Variants in CDHR1 observed in about 807,000 individuals in gnomAD.
The protein encoded by CDHR1 is cadherin related family member 1, also known as cadherin-related family member 1.
CDHR1 carries 61 observed loss-of-function variants against 72.1 expected under a neutral mutation model. That is an observed-to-expected ratio of 0.85 (90% CI 0.69 to 1.05). CDHR1 has a LOEUF of 1.05. Among genes scored for constraint, CDHR1 ranks in the 50% least tolerant of loss-of-function variants. The probability of loss-of-function intolerance (pLI) is 0.00; values close to 1 mark genes in which losing one functional copy is unlikely to be tolerated. For synonymous variants in CDHR1, 470 were observed against 448.1 expected, an observed-to-expected ratio of 1.05 and a Z score of -0.62; for missense variants, 1,186 against 1,115.7, an observed-to-expected ratio of 1.06 and a Z score of -0.90.
Position 84,204,656 on chromosome 10 carries a change from G to A in CDHR1, c.862+51G>A, listed in dbSNP as rs779501094. ...GCAGCTTTGACTCTCTAGGTGACCA[G>A]AGCAAGGTTCCTCAACCTCTCTAGA... is the stretch of plus-strand genomic sequence containing the variant. On this transcript the variant is annotated intron_variant, in intron 9 of 16. Coordinates refer to ENST00000623527, the MANE Select transcript of CDHR1 (RefSeq NM_033100.4). 4 of 1,281,438 alleles carry A rather than the reference G, an allele frequency of 3.1e-6. No homozygotes were observed. In the East Asian group the frequency reaches 6.9e-5, roughly 22 times the overall value. 79.4% of individuals were successfully genotyped at this position (1,281,438 alleles called of 1,614,324 possible).
chr10:84,213,817 C>T (rs904417934), intron 16 of CDHR1, among the ~76,000 whole-genome samples: 2 of 152,194 alleles, frequency 1.3e-5, no homozygotes, highest in South Asian at 4.1e-4. Context: ...AGGTTGCTCG[C>T]ATTGCGTTCT....
At chr10:84,213,724 C>G (rs905513468) in intron 16 of CDHR1, among the ~76,000 whole-genome samples, 1 of 152,066 alleles carries the variant, frequency 6.6e-6, no homozygotes, top group Non-Finnish European at 1.5e-5. Flanking sequence ...ACCCCCTCCC[C>G]CACTTGCCAC....
At chr10:84,203,229 G>A (rs1195537827) in intron 8 of CDHR1, 106 bp downstream of exon 8, 37 of 1,468,634 alleles carry the variant, frequency 2.5e-5, no homozygotes, top group Non-Finnish European at 1.3e-5. Context: ...GGTCCCGGTT[G>A]CCCTCCTCAC....
At position 84,213,172 on chromosome 10, in the gene CDHR1, A is replaced by T. The variant is rs1478134367; in HGVS notation, c.1864A>T (p.Ile622Phe). 1 of 1,614,128 alleles carries T rather than the reference A, an allele frequency of 6.2e-7. No homozygotes were observed. Among genetic ancestry groups the T allele is most frequent in the Non-Finnish European group, 8.5e-7 (1 of 1,180,058 alleles). ...THAEPANVFD[I>F]NSHTGEIWLK... Reference sequence around the variant, plus strand: ...TGCAGAGCCCGCCAACGTGTTCGACATCAATTCCCACACGGGGGAGATCTG... The same window carrying T: ...TGCAGAGCCCGCCAACGTGTTCGACTTCAATTCCCACACGGGGGAGATCTG... Residue 622 changes from isoleucine (I) to phenylalanine (F), a missense_variant, in exon 16 of 17, where the codon ATC becomes TTC. Coordinates refer to ENST00000623527, the MANE Select transcript of CDHR1 (RefSeq NM_033100.4).
intron 12 of CDHR1, among the ~76,000 whole-genome samples, chr10:84,210,133 T>C (rs1266724302): frequency 6.6e-6 from 1 of 152,176 alleles, no homozygotes; most frequent in Non-Finnish European, 1.5e-5. Flanking sequence ...GATGGGAGGA[T>C]GGCTTGAGCC....
At chr10:84,199,214 C>A (rs950090293) in intron 5 of CDHR1, 93 bp downstream of exon 5, 5 of 978,600 alleles carry the variant, frequency 5.1e-6, no homozygotes, top group Non-Finnish European at 8.0e-6. Context: ...GGCTCACTGC[C>A]CTGTGGAGAA....
At chr10:84,219,283 T>C (rs1374096767), downstream of CDHR1, 8 of 1,549,550 alleles carry the variant, frequency 5.2e-6, no homozygotes, top group Non-Finnish European at 2.6e-6. Flanking sequence ...TTAAAAAGTA[T>C]CAGATTCTCA....
At chr10:84,204,461 C>T (rs917665848) in intron 8 of CDHR1, 66 bp from the exon 9 acceptor site, 19 of 1,106,604 alleles carry the variant, frequency 1.7e-5, no homozygotes, top group Non-Finnish European at 2.1e-5. Context: ...ATCATGGAGA[C>T]ATTGTTTGGG....
rs1206545356 is a variant in CDHR1 at position 84,217,213 on chromosome 10, C to T, written c.*2592C>T. On this transcript the variant is annotated 3_prime_UTR_variant, in exon 17 of 17. Transcript: ENST00000623527. ...TGGGCCAAGGGGCTGTCTGCTAGGT[C>T]CCAGTAGGACAGGCAGAGCTCCAGG... The T allele has an allele frequency of 1.0e-6, 1 of 985,370 alleles. No homozygotes were observed. 61.0% of individuals were successfully genotyped at this position (985,370 alleles called of 1,614,324 possible). A position where few individuals can be genotyped will look rare whatever the true frequency, so the allele number is the denominator to read the frequency against.
intron 9 of CDHR1, among the ~76,000 whole-genome samples, chr10:84,204,923 TG>T (rs1842197779): frequency 6.6e-6 from 1 of 152,222 alleles, no homozygotes; most frequent in Non-Finnish European, 1.5e-5. Flanking sequence ...ACTTTTTAAG[TG>T]GCTATGTATT....
chr10:84,217,327 AGC>A lies in CDHR1; in HGVS notation c.*2707_*2708del, dbSNP rs1291145141. Reference sequence around the variant, plus strand: ...TGCCCATTCCTGGCCCTGAGAATGGAGCTGTAGCCTCATGGACAATAAATGGA... The same window carrying A: ...TGCCCATTCCTGGCCCTGAGAATGGATGTAGCCTCATGGACAATAAATGGA... On this transcript the variant is annotated 3_prime_UTR_variant, in exon 17 of 17. Transcript: ENST00000623527. 95 of 985,322 alleles carry A rather than the reference AGC, an allele frequency of 9.6e-5. No individual in the cohort carries two copies. Among genetic ancestry groups the A allele is most frequent in the Middle Eastern group, 1.0e-3 (2 of 1,936 alleles). The allele number at this position is 985,322 out of a possible 1,614,324, so 61.0% of individuals were successfully genotyped here.
chr10:84,213,608 A>T (rs1842376479), intron 16 of CDHR1, among the ~76,000 whole-genome samples: 2 of 152,222 alleles, frequency 1.3e-5, no homozygotes, highest in African/African-American at 4.8e-5. Context: ...TGCCTCCTTC[A>T]CACGGGTGTT....
chr10:84,198,927 G>T, intron 4 of CDHR1, 105 bp from the exon 5 acceptor site: 2 of 800,120 alleles, frequency 2.5e-6, no homozygotes, highest in South Asian at 2.9e-5. Flanking sequence ...AGAGAGAGAG[G>T]AGGGATGGGC....
chr10:84,217,895 A>G lies in CDHR1; in HGVS notation c.*3274A>G. ...AGTTAGGAACAATGAGAGGTCTCTA[A>G]GAACTTGTGGCACTCTGTCCTCAAG... On this transcript the variant is annotated 3_prime_UTR_variant, in exon 17 of 17. Transcript: ENST00000623527. 1 of 985,514 alleles carries G rather than the reference A, an allele frequency of 1.0e-6. No individual in the cohort carries two copies. Among genetic ancestry groups the G allele is most frequent in the Non-Finnish European group, 1.2e-6 (1 of 829,970 alleles). The allele number at this position is 985,514 out of a possible 1,614,324, so 61.0% of individuals were successfully genotyped here.
chr10:84,210,547 G>A (rs990175011), intron 12 of CDHR1, among the ~76,000 whole-genome samples: 2 of 152,164 alleles, frequency 1.3e-5, no homozygotes, highest in African/African-American at 2.4e-5. Flanking sequence ...GATTACAGGT[G>A]TGAGCCACTG....
chr10:84,203,478 G>A (rs946100292), intron 8 of CDHR1, among the ~76,000 whole-genome samples: 7 of 152,050 alleles, frequency 4.6e-5, no homozygotes, highest in Non-Finnish European at 7.4e-5. Flanking sequence ...GCAATGGTGC[G>A]ATCTGGGCTC....
Position 84,217,290 on chromosome 10 carries a change from A to C in CDHR1, c.*2669A>C, listed in dbSNP as rs2132843896. The C allele has an allele frequency of 2.0e-6, 2 of 985,486 alleles. No individual in the cohort carries two copies. The highest frequency in any genetic ancestry group is 3.5e-5 in the African/African-American group (2 of 57,370). 61.0% of individuals were successfully genotyped at this position (985,486 alleles called of 1,614,324 possible). A position where few individuals can be genotyped will look rare whatever the true frequency, so the allele number is the denominator to read the frequency against. ...AAGAGCTGGGAGGCAGGAATGGCAC[A>C]CTGGGCAGGCTTGCCCATTCCTGGC... On this transcript the variant is annotated 3_prime_UTR_variant, in exon 17 of 17. Coordinates refer to ENST00000623527, the MANE Select transcript of CDHR1 (RefSeq NM_033100.4).
rs79548372 is a variant in CDHR1, at chr10:84,201,482, C to T, written c.526-325C>T. Among the ~76,000 whole-genome samples, 615 of 152,318 alleles carry T rather than the reference C, an allele frequency of 4.0e-3. 4 individuals are homozygous for T. The highest frequency in any genetic ancestry group is 0.014 in the African/African-American group (583 of 41,572). On this transcript the variant is annotated intron_variant, in intron 6 of 16. Coordinates refer to ENST00000623527, the MANE Select transcript of CDHR1 (RefSeq NM_033100.4). ...TGGCTCCCTCTGGGTTAGATTACTC[C>T]GCAGACATTGCCATCTGCTGGACCC...
rs2132830625 is a variant in CDHR1, at chr10:84,212,225, G to T, written c.1600G>T (p.Ala534Ser). ...TGGGCTTATCTACACCCAGCCCTGG[G>T]CTAGCCTGGACGCTGAGGCCACTGC... is the stretch of plus-strand genomic sequence containing the variant. Reference protein sequence around the residue: ...STGLIYTQPWASLDAEATARY... With the variant: ...STGLIYTQPWSSLDAEATARY... The change falls in exon 15 of 17, where the codon GCT (alanine) becomes TCT (serine). Residue 534 changes from alanine (A) to serine (S), a missense_variant. Physicochemically the swap from Ala to Ser is moderately conservative, Grantham distance 99. Coordinates refer to ENST00000623527, the MANE Select transcript of CDHR1 (RefSeq NM_033100.4). 6.2e-7 allele frequency: 1 copy of T among 1,614,254 alleles called. No homozygotes were observed. Among genetic ancestry groups the T allele is most frequent in the East Asian group, 2.2e-5 (1 of 44,892 alleles).
Sources: allele counts gnomAD v4.1 joint callset (sites outside exome capture counted in the v4.1 genomes callset), GRCh38; gene constraint gnomAD v4.1.1; transcripts MANE v1.5; gene names NCBI Gene and HGNC (gene_info 2026-07-23, HGNC 2026-07-21).